FOXP2: variants seen among roughly 807,000 people sequenced by gnomAD.
The protein encoded by FOXP2 is forkhead box P2, also known as forkhead box protein P2.
A neutral mutation model predicts 115.8 loss-of-function variants in FOXP2; 12 were observed. The ratio of observed to expected loss-of-function variants is 0.10; its 90% confidence interval spans 0.07 to 0.17. The LOEUF (loss-of-function observed/expected upper bound fraction) is 0.17, where lower values mean the gene tolerates loss of function less well. FOXP2 is among the 10% of genes least tolerant of loss of function. The probability of loss-of-function intolerance (pLI) is 1.00; values close to 1 mark genes in which losing one functional copy is unlikely to be tolerated. For missense variants in FOXP2, 629 were observed against 843.5 expected, an observed-to-expected ratio of 0.75 and a Z score of 3.15; for synonymous variants, 328 against 297.7, an observed-to-expected ratio of 1.10 and a Z score of -1.05.
intron 2 of FOXP2, among the ~76,000 whole-genome samples, chr7:114,319,888 A>T (rs1449322833): frequency 1.3e-5 from 2 of 152,156 alleles, no homozygotes; most frequent in Non-Finnish European, 2.9e-5. Context: ...TACATTTTGA[A>T]TTCTGTTTTT....
At chr7:114,565,102 T>A (rs1800943379) in intron 3 of FOXP2, among the ~76,000 whole-genome samples, 1 of 148,518 alleles carries the variant, frequency 6.7e-6, no homozygotes, top group Non-Finnish European at 1.5e-5. Context: ...TGCAACCAAT[T>A]TTTTTTTTTT....
intron 1 of FOXP2, among the ~76,000 whole-genome samples, chr7:114,136,482 GTTTA>G (rs1792041899): frequency 6.6e-6 from 1 of 151,938 alleles, no homozygotes. Context: ...CATAGTAAAA[GTTTA>G]TTTATATAGT....
At chr7:114,222,428 G>A (rs1408855726) in intron 1 of FOXP2, among the ~76,000 whole-genome samples, 1 of 152,146 alleles carries the variant, frequency 6.6e-6, no homozygotes, top group African/African-American at 2.4e-5. Flanking sequence ...GGGATTACAG[G>A]CATCAGCCAC....
intron 1 of FOXP2, among the ~76,000 whole-genome samples, chr7:114,188,451 T>G (rs2129156764): frequency 6.6e-6 from 1 of 152,336 alleles, no homozygotes; most frequent in African/African-American, 2.4e-5. Context: ...CTCCTTATAC[T>G]TTGGGTCTCA....
chr7:114,542,838 T>C (rs1377709359), intron 3 of FOXP2, among the ~76,000 whole-genome samples: 1 of 151,782 alleles, frequency 6.6e-6, no homozygotes, highest in East Asian at 1.9e-4. Context: ...TCACCCAGGT[T>C]GTAGTGCAGT....
chr7:114,136,153 T>C (rs1268120091), intron 1 of FOXP2, among the ~76,000 whole-genome samples: 2 of 152,076 alleles, frequency 1.3e-5, no homozygotes, highest in African/African-American at 4.8e-5. Context: ...TCTTTGACAT[T>C]ATACCTCAAC....
At chr7:114,134,632 G>T (rs1295445045) in intron 1 of FOXP2, among the ~76,000 whole-genome samples, 7 of 148,850 alleles carry the variant, frequency 4.7e-5, no homozygotes. Flanking sequence ...AGAATGGCGT[G>T]AACCCGGGAG....
chr7:114,682,958 T>C (rs1808172956), intron 16 of FOXP2, among the ~76,000 whole-genome samples: 1 of 152,226 alleles, frequency 6.6e-6, no homozygotes, highest in African/African-American at 2.4e-5. Flanking sequence ...TGCTACTTTT[T>C]ATTTCTTCCT....
At chr7:114,101,812 A>G (rs1790967377) in intron 1 of FOXP2, among the ~76,000 whole-genome samples, 1 of 151,814 alleles carries the variant, frequency 6.6e-6, no homozygotes. Flanking sequence ...ACCTGGACTT[A>G]TTTAAAGTGA....
At chr7:114,656,448 C>A in intron 10 of FOXP2, 1 of 428,474 alleles carries the variant, frequency 2.3e-6, no homozygotes, top group Admixed American at 2.6e-5. Context: ...AGAATATTTG[C>A]AAAGTCACAT....
At chr7:114,176,187 T>A (rs148589753) in intron 1 of FOXP2, among the ~76,000 whole-genome samples, 16 of 101,166 alleles carry the variant, frequency 1.6e-4, no homozygotes, top group Admixed American at 1.4e-3. Flanking sequence ...TTTTCTTGTC[T>A]TGTCTTGTCT....
intron 1 of FOXP2, among the ~76,000 whole-genome samples, chr7:114,114,507 C>T (rs545167970): frequency 1.2e-3 from 188 of 152,136 alleles, no homozygotes; most frequent in African/African-American, 3.2e-3. Context: ...GATTATGAGA[C>T]GGACTAAGAT....
chr7:114,149,420 A>G (rs910715315), intron 1 of FOXP2, among the ~76,000 whole-genome samples: 1 of 152,144 alleles, frequency 6.6e-6, no homozygotes, highest in South Asian at 2.1e-4. Context: ...AAGCTGTTAC[A>G]TGGTTTCACT....
intron 3 of FOXP2, among the ~76,000 whole-genome samples, chr7:114,571,083 T>C (rs1801277457): frequency 6.6e-6 from 1 of 151,994 alleles, no homozygotes; most frequent in African/African-American, 2.4e-5. Flanking sequence ...TATGTTTCAC[T>C]AGATATACAT....
intron 2 of FOXP2, among the ~76,000 whole-genome samples, chr7:114,370,348 T>A (rs1791974740): frequency 6.6e-6 from 1 of 152,084 alleles, no homozygotes; most frequent in African/African-American, 2.4e-5. Flanking sequence ...AGCAAAAGAG[T>A]CGTGCCCCAA....
At position 114,430,212 on chromosome 7, in the gene FOXP2, A is replaced by G. The variant is rs937128931; in HGVS notation, c.168+3533A>G. Reference sequence around the variant, plus strand: ...TTAACTTATTTTAACTTCCTATTTGATACGAAAAGTACCGACTTTAGATTA... The same window carrying G: ...TTAACTTATTTTAACTTCCTATTTGGTACGAAAAGTACCGACTTTAGATTA... On this transcript the variant is annotated intron_variant, in intron 2 of 16. Coordinates refer to ENST00000350908, the MANE Select transcript of FOXP2 (RefSeq NM_014491.4). 2.6e-5 allele frequency among the ~76,000 whole-genome samples: 4 copies of G among 151,888 alleles called. No homozygotes were observed. In the South Asian group the frequency reaches 8.3e-4, roughly 31 times the overall value.
At chr7:114,228,408 G>A (rs1794794614) in intron 1 of FOXP2, among the ~76,000 whole-genome samples, 5 of 151,996 alleles carry the variant, frequency 3.3e-5, no homozygotes, top group Admixed American at 1.3e-4. Context: ...AAAGAAGACA[G>A]GGAATCCCAT....
At chr7:114,455,265 C>T (rs931690135) in intron 2 of FOXP2, among the ~76,000 whole-genome samples, 5 of 152,212 alleles carry the variant, frequency 3.3e-5, no homozygotes, top group Admixed American at 3.3e-4. Flanking sequence ...ATCCATTTAA[C>T]TAATGAAGCC....
intron 1 of FOXP2, among the ~76,000 whole-genome samples, chr7:114,176,297 T>TC (rs1491454048): frequency 0.02 from 463 of 23,592 alleles, 4 homozygotes; most frequent in Non-Finnish European, 0.048. Flanking sequence ...TCTTTCTTTC[T>TC]TTCTCTCTCT....
Sources: allele counts gnomAD v4.1 joint callset (sites outside exome capture counted in the v4.1 genomes callset), GRCh38; gene constraint gnomAD v4.1.1; transcripts MANE v1.5; gene names NCBI Gene and HGNC (gene_info 2026-07-23, HGNC 2026-07-21).